PDXK: variants seen among roughly 807,000 people sequenced by gnomAD.
PDXK encodes pyridoxal kinase.
Under a neutral mutation model 43.2 loss-of-function variants are expected in PDXK, and 15 were observed. The observed-to-expected ratio is 0.35, with a 90% CI of 0.23 to 0.53. The LOEUF (loss-of-function observed/expected upper bound fraction) is 0.53, where lower values mean the gene tolerates loss of function less well. Ranked by LOEUF, PDXK falls within the 20% of genes least tolerant of loss-of-function variation. PDXK has a pLI of 0.92. For missense variants in PDXK, 343 were observed against 417.0 expected (o/e 0.82, Z 1.54); for synonymous variants, 172 against 165.4 (o/e 1.04, Z -0.31).
At chr21:43,738,102 A>C in intron 2 of PDXK, 1 of 947,914 alleles carries the variant, frequency 1.1e-6, no homozygotes, top group Non-Finnish European at 1.3e-6. Context: ...CTCATGTTGC[A>C]GCCTTAACCC....
At chr21:43,750,685 G>C (rs896509503) in intron 7 of PDXK, 140 bp downstream of exon 7, 1 of 610,330 alleles carries the variant, frequency 1.6e-6, no homozygotes, top group Non-Finnish European at 2.9e-6. Context: ...GGCCTCCAGA[G>C]ATCAGCAGGA....
chr21:43,749,072 T>G lies in PDXK; in HGVS notation c.456T>G (p.Phe152Leu), dbSNP rs2083688694. 4 of 1,596,692 alleles carry G rather than the reference T, an allele frequency of 2.5e-6. No individual in the cohort carries two copies. Among genetic ancestry groups the G allele is most frequent in the Non-Finnish European group, 3.4e-6 (4 of 1,165,516 alleles). ...PLADIITPNQ[F>L]EAELLSGRKI... ...CAGACATTATCACGCCCAACCAGTT[T>G]GAGGCCGAGTAAGTCATTTTATTTT... Residue 152 changes from phenylalanine to leucine, a missense_variant, in exon 6 of 11, where the codon TTT (phenylalanine) becomes TTG (leucine). Coordinates refer to ENST00000291565, the MANE Select transcript of PDXK (RefSeq NM_003681.5).
chr21:43,749,657 G>T (rs1274901843), intron 6 of PDXK, among the ~76,000 whole-genome samples: 1 of 151,910 alleles, frequency 6.6e-6, no homozygotes, highest in Non-Finnish European at 1.5e-5. Flanking sequence ...GCAGCCATGG[G>T]TGATGGGGAT....
In PDXK at chr21:43,735,912, G is replaced by A. The variant is rs1383990431; in HGVS notation, c.142+1789G>A. Among the ~76,000 whole-genome samples the A allele has an allele frequency of 6.6e-6, 1 of 152,168 alleles. No homozygotes were observed. Among genetic ancestry groups the A allele is most frequent in the African/African-American group, 2.4e-5 (1 of 41,446 alleles). On this transcript the variant is annotated intron_variant, in intron 2 of 10. Transcript: ENST00000291565. The surrounding 1 kb of genome is among the most constrained non-coding windows in gnomAD (Gnocchi z 5.3). ...TCCCTCGCCCCTGCCACACTGTGCT[G>A]CTGGGGAGTGAGGCTGGTGCATCGT...
chr21:43,733,334 CT>C (rs1484436624), intron 1 of PDXK, among the ~76,000 whole-genome samples: 1 of 139,986 alleles, frequency 7.1e-6, no homozygotes, highest in East Asian at 2.2e-4. Flanking sequence ...TGGCTTTGAA[CT>C]TGAAGGTGGG....
intron 1 of PDXK, among the ~76,000 whole-genome samples, chr21:43,720,061 G>C (rs1174224877): frequency 6.6e-6 from 1 of 152,256 alleles, no homozygotes; most frequent in African/African-American, 2.4e-5. Context: ...GGACTGTGCG[G>C]ATTGGCTTTA....
chr21:43,721,045 G>C (rs2083202812), intron 1 of PDXK, among the ~76,000 whole-genome samples: 1 of 152,204 alleles, frequency 6.6e-6, no homozygotes, highest in African/African-American at 2.4e-5. Flanking sequence ...GGTCTCCCCA[G>C]TGCACGGCAT....
chr21:43,728,756 G>A (rs771906719), intron 1 of PDXK: 215 of 985,746 alleles, frequency 2.2e-4, no homozygotes, highest in Non-Finnish European at 2.5e-4. Context: ...GCTGCGCCTG[G>A]GCAGGGGATG....
At chr21:43,750,425 TG>T in intron 6 of PDXK, 74 bp from the exon 7 acceptor site, 1 of 1,326,138 alleles carries the variant, frequency 7.5e-7, no homozygotes, top group Non-Finnish European at 1.1e-6. Flanking sequence ...CGCTGCGGTT[TG>T]GGGAATGTCA....
chr21:43,750,962 A>ATG (rs3042278), intron 7 of PDXK, among the ~76,000 whole-genome samples: 20,573 of 150,674 alleles, frequency 0.14, 1,709 homozygotes, highest in East Asian at 0.19. Context: ...ATGTGTGTGC[A>ATG]TGTGTGTGTG....
At chr21:43,719,584 G>A (rs553164312) in intron 1 of PDXK, 166 of 983,384 alleles carry the variant, frequency 1.7e-4, no homozygotes, top group Admixed American at 6.1e-4. Flanking sequence ...GCGCTCTGCG[G>A]GCCCCTGCGG....
chr21:43,743,001 C>T (rs932514087), intron 3 of PDXK, among the ~76,000 whole-genome samples: 4 of 152,152 alleles, frequency 2.6e-5, no homozygotes, highest in Admixed American at 6.5e-5. Flanking sequence ...GAAATGCTGC[C>T]GGGTCTGCCC....
intron 7 of PDXK, among the ~76,000 whole-genome samples, chr21:43,751,712 G>A (rs1324705518): frequency 6.6e-6 from 1 of 151,984 alleles, no homozygotes; most frequent in Non-Finnish European, 1.5e-5. Flanking sequence ...TGGATGGCAG[G>A]GGGCTCGAGG....
At chr21:43,727,390 G>A (rs889957894) in intron 1 of PDXK, among the ~76,000 whole-genome samples, 6 of 152,200 alleles carry the variant, frequency 3.9e-5, no homozygotes, top group African/African-American at 1.2e-4. Context: ...CAGAGCAGCC[G>A]CCTTGTGCCC....
chr21:43,721,689 C>A (rs934400883), intron 1 of PDXK: 2 of 152,276 alleles, frequency 1.3e-5, no homozygotes, highest in African/African-American at 4.8e-5. Context: ...TTGTGCCCTT[C>A]ATGCCAGGCT....
At position 43,759,336 on chromosome 21, in the gene PDXK, G is replaced by C. The variant is rs1397571870; in HGVS notation, c.*3273G>C. ...CCACTCTGCCCGTCCACCTTCCCTG[G>C]CTCCAGCCTCATTCTCTCTTTAGTT... On this transcript the variant is annotated 3_prime_UTR_variant, in exon 11 of 11. Transcript: ENST00000291565. The C allele has an allele frequency of 6.5e-6, 1 of 153,624 alleles. No homozygotes were observed. The highest frequency in any genetic ancestry group is 1.5e-5 in the Non-Finnish European group (1 of 68,026). The allele number at this position is 153,624 out of a possible 1,614,324, so 9.5% of individuals were successfully genotyped here.
chr21:43,755,797 C>T, intron 10 of PDXK, 33 bp downstream of exon 10: 2 of 1,590,118 alleles, frequency 1.3e-6, no homozygotes, highest in Non-Finnish European at 1.7e-6. Flanking sequence ...GCTGCGTGGG[C>T]TCCTGGCTCC....
At position 43,732,903 on chromosome 21, in the gene PDXK, C is replaced by T. The variant is rs1216312682; in HGVS notation, c.88-1166C>T. On this transcript the variant is annotated intron_variant, in intron 1 of 10. Transcript: ENST00000291565. The surrounding 1 kb of genome is among the most constrained non-coding windows in gnomAD (Gnocchi z 4.1). ...CTGGGACTACAGACATGTGCCACCA[C>T]GCCCGGCTAATTTCTGTATTTTTTG... is the stretch of plus-strand genomic sequence containing the variant. 2.0e-5 allele frequency among the ~76,000 whole-genome samples: 3 copies of T among 152,052 alleles called. No homozygotes were observed. Among genetic ancestry groups the T allele is most frequent in the Non-Finnish European group, 1.5e-5 (1 of 68,016 alleles).
At chr21:43,740,501 A>G (rs1314029789) in intron 2 of PDXK, among the ~76,000 whole-genome samples, 1 of 151,968 alleles carries the variant, frequency 6.6e-6, no homozygotes, top group East Asian at 1.9e-4. Flanking sequence ...CCTCGATGTG[A>G]GGCGTTTCTC....
Sources: gnomAD v4.1 joint callset for allele counts (sites outside exome capture counted in the v4.1 genomes callset) on GRCh38, gnomAD v4.1.1 for gene constraint, Gnocchi (gnomAD v3.1) non-coding constraint, MANE v1.5 for transcripts, NCBI Gene and HGNC (gene_info 2026-07-23, HGNC 2026-07-21) for gene names.